Variants in BCR observed in about 807,000 individuals in gnomAD.
BCR encodes the protein BCR activator of RhoGEF and GTPase, also known as breakpoint cluster region protein.
BCR carries 58 observed loss-of-function variants against 138.6 expected under a neutral mutation model. The observed-to-expected ratio is 0.42, with a 90% CI of 0.34 to 0.52. The LOEUF (loss-of-function observed/expected upper bound fraction) is 0.52, where lower values mean the gene tolerates loss of function less well. Ranked by LOEUF, BCR falls within the 20% of genes least tolerant of loss-of-function variation. BCR has a pLI of 0.06. For missense variants in BCR, 1,599 were observed against 1,727.2 expected (o/e 0.93, Z 1.32); for synonymous variants, 786 against 730.1 (o/e 1.08, Z -1.23).
chr22:23,215,799 A>G (rs112991672), intron 1 of BCR, among the ~76,000 whole-genome samples: 9 of 152,194 alleles, frequency 5.9e-5, no homozygotes, highest in African/African-American at 2.2e-4. Flanking sequence ...CTGCACCCCC[A>G]CTCAGCAGCT....
intron 13 of BCR, 113 bp from the exon 14 acceptor site, chr22:23,290,226 A>G (rs2073769574): frequency 1.9e-6 from 2 of 1,061,032 alleles, no homozygotes; most frequent in Non-Finnish European, 2.9e-6. Flanking sequence ...TGTGCCAGGC[A>G]GATGGCAGCC....
rs755908407 is a variant in BCR, at chr22:23,182,091, C to T, written c.1131C>T (p.Ser377=). Residue 377 remains serine (S), a synonymous_variant, in exon 1 of 23, where the codon TCC becomes TCT. Transcript: ENST00000305877. Reference sequence around the variant, plus strand: ...CTCCCTCGCAGAACTCGCAACAGTCCTTCGACAGCAGCAGTCCCCCCACGC... The same window carrying T: ...CTCCCTCGCAGAACTCGCAACAGTCTTTCGACAGCAGCAGTCCCCCCACGC... ...SRSPSQNSQQ[S]FDSSSPPTPQ... The T allele has an allele frequency of 6.8e-6, 11 of 1,613,086 alleles. No homozygotes were observed. Among genetic ancestry groups the T allele is most frequent in the African/African-American group, 5.3e-5 (4 of 74,956 alleles).
intron 8 of BCR, among the ~76,000 whole-genome samples, chr22:23,277,702 G>A (rs2073594717): frequency 6.6e-6 from 1 of 152,192 alleles, no homozygotes; most frequent in Non-Finnish European, 1.5e-5. Flanking sequence ...TGGCATCGAG[G>A]AGAGGCCCAG....
chr22:23,281,222 G>A (rs938509976), intron 8 of BCR, among the ~76,000 whole-genome samples: 3 of 152,240 alleles, frequency 2.0e-5, no homozygotes, highest in African/African-American at 7.2e-5. Context: ...CTGTCCCGGG[G>A]CCACTGAGGC....
intron 15 of BCR, 69 bp downstream of exon 15, chr22:23,292,707 T>A: frequency 7.2e-7 from 1 of 1,394,140 alleles, no homozygotes. Context: ...CTGGAGATAA[T>A]CTAAACCTTC....
intron 1 of BCR, among the ~76,000 whole-genome samples, chr22:23,184,737 T>TAGCCCTGGGCACCTTGACACTCTGCC (rs2072317944): frequency 6.6e-6 from 1 of 152,238 alleles, no homozygotes; most frequent in Non-Finnish European, 1.5e-5. Flanking sequence ...CTGCTTCTTT[T>TAGCCCTGGGCACCTTGACACTCTGCC]AGCCCTGGGC....
intron 1 of BCR, among the ~76,000 whole-genome samples, chr22:23,205,229 C>T (rs2072597405): frequency 6.6e-6 from 1 of 152,134 alleles, no homozygotes; most frequent in Non-Finnish European, 1.5e-5. Flanking sequence ...ATGGGCTGGT[C>T]AGTCTGGAGG....
chr22:23,187,315 C>T (rs1375450184), intron 1 of BCR, among the ~76,000 whole-genome samples: 1 of 128,494 alleles, frequency 7.8e-6, no homozygotes, highest in Non-Finnish European at 1.6e-5. Flanking sequence ...CTCTGGTTGG[C>T]TAGGCAGTTT....
intron 1 of BCR, among the ~76,000 whole-genome samples, chr22:23,195,620 C>G (rs1423897866): frequency 6.6e-6 from 1 of 150,690 alleles, no homozygotes; most frequent in African/African-American, 2.4e-5. Flanking sequence ...GGCGCGGTGG[C>G]TCGCGCCTGT....
intron 1 of BCR, among the ~76,000 whole-genome samples, chr22:23,249,600 G>A (rs1055498527): frequency 6.6e-6 from 1 of 151,974 alleles, no homozygotes; most frequent in African/African-American, 2.4e-5. Context: ...ATAAAATCAC[G>A]GGTGGGGGGT....
At chr22:23,236,323 C>G (rs1467876079) in intron 1 of BCR, among the ~76,000 whole-genome samples, 1 of 152,228 alleles carries the variant, frequency 6.6e-6, no homozygotes, top group Non-Finnish European at 1.5e-5. Flanking sequence ...CACTCTATGA[C>G]TGAGCAGCAC....
At chr22:23,191,512 T>C (rs2072414466) in intron 1 of BCR, among the ~76,000 whole-genome samples, 1 of 152,058 alleles carries the variant, frequency 6.6e-6, no homozygotes, top group African/African-American at 2.4e-5. Context: ...CGTATCTTTC[T>C]TTAACGGTAT....
At chr22:23,263,459 G>T (rs2073397241) in intron 4 of BCR, 1 of 1,454,242 alleles carries the variant, frequency 6.9e-7, no homozygotes, top group Non-Finnish European at 9.7e-7. Flanking sequence ...GGATTCTGCT[G>T]AAGTGGAGAT....
intron 17 of BCR, chr22:23,309,924 AT>A (rs2146327060): frequency 3.1e-6 from 1 of 322,066 alleles, no homozygotes; most frequent in East Asian, 7.3e-5. Context: ...TTCCTACTTA[AT>A]TTTTAATTGT....
intron 1 of BCR, among the ~76,000 whole-genome samples, chr22:23,235,667 T>A (rs2073014846): frequency 1.3e-5 from 2 of 152,182 alleles, no homozygotes; most frequent in South Asian, 4.1e-4. Context: ...CACTTCAGGC[T>A]GCTATAACAA....
intron 16 of BCR, among the ~76,000 whole-genome samples, chr22:23,303,035 A>C (rs61259019): frequency 7.6e-6 from 1 of 131,040 alleles, no homozygotes. Flanking sequence ...GGCCCCCCCC[A>C]CCCCAATTTA....
chr22:23,300,263 G>A (rs2073889753), intron 16 of BCR, among the ~76,000 whole-genome samples: 1 of 152,132 alleles, frequency 6.6e-6, no homozygotes, highest in East Asian at 1.9e-4. Flanking sequence ...TGCCTCTGTG[G>A]ATTTGCCTAC....
chr22:23,181,516 C>G lies in BCR; in HGVS notation c.556C>G (p.Arg186Gly). Residue 186 changes from arginine (R) to glycine (G), a missense_variant, in exon 1 of 23, where the codon CGC becomes GGC. Arg to Gly is a moderately radical substitution (Grantham distance 125). Coordinates refer to ENST00000305877, the MANE Select transcript of BCR (RefSeq NM_004327.4). ...CGTGAACGTCGAGTTTCACCACGAG[C>G]GCGGCCTGGTGAAGGTCAACGACAA... ...FYVNVEFHHE[R>G]GLVKVNDKEV... is the part of the protein sequence containing the mutation. 3 of 1,612,658 alleles carry G rather than the reference C, an allele frequency of 1.9e-6. No homozygotes were observed. Among genetic ancestry groups the G allele is most frequent in the African/African-American group, 1.3e-5 (1 of 75,056 alleles).
At chr22:23,251,401 C>T (rs1303741678) in intron 1 of BCR, among the ~76,000 whole-genome samples, 7 of 152,192 alleles carry the variant, frequency 4.6e-5, no homozygotes, top group African/African-American at 9.6e-5. Flanking sequence ...GTGTTGCCGA[C>T]GTGCAGCCAG....
Sources: gnomAD v4.1 joint callset for allele counts (sites outside exome capture counted in the v4.1 genomes callset) on GRCh38, gnomAD v4.1.1 for gene constraint, MANE v1.5 for transcripts, NCBI Gene and HGNC (gene_info 2026-07-23, HGNC 2026-07-21) for gene names.